Variants in CDH13 observed in about 807,000 individuals in gnomAD.
The protein encoded by CDH13 is cadherin 13.
In CDH13, 24 loss-of-function variants were observed where a neutral mutation model predicts 63.8. That is an observed-to-expected ratio of 0.38 (90% CI 0.27 to 0.53). The LOEUF (loss-of-function observed/expected upper bound fraction) is 0.53. Among genes scored for constraint, CDH13 ranks in the 20% least tolerant of loss-of-function variants. The probability of loss-of-function intolerance (pLI) is 0.85; values close to 1 mark genes in which losing one functional copy is unlikely to be tolerated. For synonymous variants in CDH13, 503 were observed against 355.3 expected, an observed-to-expected ratio of 1.42 and a Z score of -4.67; for missense variants, 1,049 against 903.1, an observed-to-expected ratio of 1.16 and a Z score of -2.07.
rs182760310 is a variant in CDH13, at chr16:82,657,544, A to C, written c.45+30407A>C. Among the ~76,000 whole-genome samples the C allele has an allele frequency of 5.3e-4, 80 of 152,336 alleles. 1 individual carries two copies. The highest frequency in any genetic ancestry group is 1.9e-3 in the African/African-American group (77 of 41,572). On this transcript the variant is annotated intron_variant, in intron 1 of 13. Coordinates refer to ENST00000567109, the MANE Select transcript of CDH13 (RefSeq NM_001257.5). ...TATGAATTATTTTTGGAATTTTTCT[A>C]TTTAATATTTTCAGACTGTGATTGA...
At chr16:83,762,422 A>G (rs555832200) in intron 11 of CDH13, among the ~76,000 whole-genome samples, 4 of 152,190 alleles carry the variant, frequency 2.6e-5, no homozygotes, top group Admixed American at 6.5e-5. Context: ...CCCAAGCGGT[A>G]GAGAGAACAT....
intron 1 of CDH13, among the ~76,000 whole-genome samples, chr16:82,723,996 C>T (rs548286294): frequency 2.7e-4 from 41 of 152,236 alleles, no homozygotes; most frequent in Middle Eastern, 3.4e-3. Flanking sequence ...CCAGCAGAGC[C>T]AGATGCTGGG....
chr16:83,083,488 A>G (rs1476162439), intron 3 of CDH13, among the ~76,000 whole-genome samples: 1 of 152,212 alleles, frequency 6.6e-6, no homozygotes. Flanking sequence ...GCATATGGAA[A>G]TTGAGATTTG....
intron 2 of CDH13, among the ~76,000 whole-genome samples, chr16:82,900,491 A>G (rs1420851445): frequency 6.6e-6 from 1 of 152,234 alleles, no homozygotes; most frequent in African/African-American, 2.4e-5. Flanking sequence ...CTGTCTTGAA[A>G]AAGCAAGAGA....
At chr16:83,017,714 A>G (rs1214694067) in intron 2 of CDH13, among the ~76,000 whole-genome samples, 1 of 152,202 alleles carries the variant, frequency 6.6e-6, no homozygotes, top group East Asian at 1.9e-4. Context: ...TATTAGCACT[A>G]TTAGGGTTTT....
intron 4 of CDH13, among the ~76,000 whole-genome samples, chr16:83,197,501 C>G (rs146614754): frequency 6.6e-6 from 1 of 152,112 alleles, no homozygotes; most frequent in Non-Finnish European, 1.5e-5. Flanking sequence ...TTCATTCTTT[C>G]TAATTTTTTG....
intron 2 of CDH13, among the ~76,000 whole-genome samples, chr16:82,979,646 C>T (rs1425285765): frequency 5.9e-5 from 9 of 152,072 alleles, no homozygotes; most frequent in Non-Finnish European, 8.8e-5. Context: ...CTTCCCAAGC[C>T]GTGCAGAATT....
intron 7 of CDH13, among the ~76,000 whole-genome samples, chr16:83,589,934 C>T (rs542302518): frequency 6.8e-6 from 1 of 147,466 alleles, no homozygotes; most frequent in Admixed American, 6.7e-5. Flanking sequence ...TTTCCTGGGG[C>T]TTAGGAGGTG....
chr16:82,627,023 C>T lies in CDH13; in HGVS notation c.-70C>T. The T allele has an allele frequency of 6.5e-7, 1 of 1,544,514 alleles. No homozygotes were observed. Among genetic ancestry groups the T allele is most frequent in the East Asian group, 2.4e-5 (1 of 41,202 alleles). On this transcript the variant is annotated 5_prime_UTR_variant, in exon 1 of 14. Transcript: ENST00000567109. ...GAGCCTCTCCTCAAAGCCTGGCTCC[C>T]ACGGAAAATATGCTCAGTGCAGCCG...
chr16:82,901,174 G>A (rs573603801), intron 2 of CDH13, among the ~76,000 whole-genome samples: 1 of 151,664 alleles, frequency 6.6e-6, no homozygotes, highest in South Asian at 2.1e-4. Context: ...GAAAAAGGTT[G>A]TTTTTTGACC....
intron 5 of CDH13, among the ~76,000 whole-genome samples, chr16:83,276,538 G>A (rs2088994032): frequency 1.3e-5 from 2 of 152,130 alleles, no homozygotes; most frequent in African/African-American, 4.8e-5. Context: ...GTTTCCCATG[G>A]CTGGGGAGGC....
chr16:83,375,861 G>T (rs1276606410), intron 6 of CDH13, among the ~76,000 whole-genome samples: 1 of 152,126 alleles, frequency 6.6e-6, no homozygotes, highest in East Asian at 1.9e-4. Flanking sequence ...GTAGGCTATG[G>T]GGATGGCAGG....
intron 1 of CDH13, among the ~76,000 whole-genome samples, chr16:82,813,904 T>A (rs2037572583): frequency 6.6e-6 from 1 of 152,068 alleles, no homozygotes. Flanking sequence ...CCTCTCTGAG[T>A]CAGTTTTATC....
intron 6 of CDH13, among the ~76,000 whole-genome samples, chr16:83,432,402 C>T (rs925700936): frequency 6.6e-6 from 1 of 152,182 alleles, no homozygotes; most frequent in East Asian, 1.9e-4. Context: ...GAAACTGAGG[C>T]CAGGCTCAGA....
At chr16:83,652,612 G>A (rs1174932537) in intron 8 of CDH13, among the ~76,000 whole-genome samples, 4 of 152,132 alleles carry the variant, frequency 2.6e-5, no homozygotes, top group South Asian at 2.1e-4. Flanking sequence ...CACAAAGCAA[G>A]CCCTCATTCT....
intron 1 of CDH13, among the ~76,000 whole-genome samples, chr16:82,776,755 T>C (rs2035516527): frequency 6.6e-6 from 1 of 152,172 alleles, no homozygotes; most frequent in Admixed American, 6.5e-5. Flanking sequence ...CAGAACTGAT[T>C]TGAGGTGGCT....
chr16:82,689,982 TAAAAAAAAAAAAAAAAAA>T (rs71146085), intron 1 of CDH13, among the ~76,000 whole-genome samples: 25 of 15,778 alleles, frequency 1.6e-3, no homozygotes, highest in South Asian at 0.013. Flanking sequence ...CCATCTCTAC[TAAAAAAAAAAAAAAAAAA>T]AAAAAAAAAA....
intron 1 of CDH13, among the ~76,000 whole-genome samples, chr16:82,636,194 C>G (rs1331862240): frequency 6.6e-6 from 1 of 152,064 alleles, no homozygotes; most frequent in Non-Finnish European, 1.5e-5. Context: ...TGAAGGAGGC[C>G]TGCTTGAGTT....
intron 1 of CDH13, among the ~76,000 whole-genome samples, chr16:82,844,934 CGT>C (rs1260888788): frequency 6.6e-6 from 1 of 151,912 alleles, no homozygotes; most frequent in Non-Finnish European, 1.5e-5. Flanking sequence ...GGATTACAGG[CGT>C]GAGGCACCGC....
Sources: allele counts gnomAD v4.1 joint callset (sites outside exome capture counted in the v4.1 genomes callset), GRCh38; gene constraint gnomAD v4.1.1; transcripts MANE v1.5; gene names NCBI Gene and HGNC (gene_info 2026-07-23, HGNC 2026-07-21).